The following ADAMTSL1 variants were observed in gnomAD, a reference collection of about 807,000 sequenced individuals.
ADAMTSL1 encodes ADAMTS like 1.
ADAMTSL1 carries 126 observed loss-of-function variants against 201.8 expected under a neutral mutation model. The ratio of observed to expected loss-of-function variants is 0.62; its 90% CI spans 0.54 to 0.72. The LOEUF is 0.72. ADAMTSL1 is among the 30% of genes least tolerant of loss of function. ADAMTSL1 has a pLI of 0.00. For synonymous variants in ADAMTSL1, 1,121 were observed against 903.4 expected, an observed-to-expected ratio of 1.24 and a Z score of -4.32; for missense variants, 2,679 against 2,277.8, an observed-to-expected ratio of 1.18 and a Z score of -3.59.
At chr9:18,044,566 C>T (rs577349598) in intron 1 of ADAMTSL1, among the ~76,000 whole-genome samples, 14 of 152,272 alleles carry the variant, frequency 9.2e-5, no homozygotes, top group African/African-American at 3.4e-4. Flanking sequence ...TATTTCTCCA[C>T]CACTTCCTTT....
chr9:18,591,868 T>C lies in ADAMTSL1; in HGVS notation c.474+17602T>C, dbSNP rs553329674. Among the ~76,000 whole-genome samples the C allele has an allele frequency of 2.0e-4, 31 of 152,310 alleles. No individual in the cohort carries two copies. The South Asian group carries it at 6.2e-3, about 31-fold the overall frequency. On this transcript the variant is annotated intron_variant, in intron 4 of 28. Transcript: ENST00000380548. The stretch of plus-strand genomic sequence containing the variant: ...CTGCTGGTTGTGGAGGCATTTTCCC[T>C]GCAAAAAGTTATCGAGATGCTTGAA...
At chr9:18,428,093 T>C (rs1235427392) in intron 2 of ADAMTSL1, among the ~76,000 whole-genome samples, 1 of 152,186 alleles carries the variant, frequency 6.6e-6, no homozygotes, top group Non-Finnish European at 1.5e-5. Context: ...TATCTTACAG[T>C]CATCCAAGCA....
At chr9:17,923,293 T>C (rs1170804136) in intron 1 of ADAMTSL1, among the ~76,000 whole-genome samples, 1 of 149,652 alleles carries the variant, frequency 6.7e-6, no homozygotes, top group Non-Finnish European at 1.5e-5. Flanking sequence ...TTCTTCCATT[T>C]GTTTGTATCC....
intron 2 of ADAMTSL1, among the ~76,000 whole-genome samples, chr9:18,195,049 C>T (rs1469791982): frequency 6.6e-6 from 1 of 152,088 alleles, no homozygotes; most frequent in East Asian, 1.9e-4. Flanking sequence ...AGATGAAAGG[C>T]TTAAATTAAA....
intron 1 of ADAMTSL1, among the ~76,000 whole-genome samples, chr9:18,088,616 A>G (rs1823869062): frequency 6.6e-6 from 1 of 152,358 alleles, no homozygotes; most frequent in African/African-American, 2.4e-5. Context: ...ATCAACAGGT[A>G]TATGAAAAGC....
intron 1 of ADAMTSL1, among the ~76,000 whole-genome samples, chr9:18,108,787 C>CT (rs1401251921): frequency 6.6e-6 from 1 of 150,594 alleles, no homozygotes; most frequent in African/African-American, 2.4e-5. Context: ...TTTTTTTCTC[C>CT]TTTTTCAATG....
chr9:18,292,646 C>T (rs1833319244), intron 2 of ADAMTSL1, among the ~76,000 whole-genome samples: 2 of 152,162 alleles, frequency 1.3e-5, no homozygotes, highest in South Asian at 4.1e-4. Context: ...TTCCAGCCTT[C>T]ATCTTTCCCC....
At chr9:18,145,699 T>C (rs147737863) in intron 1 of ADAMTSL1, among the ~76,000 whole-genome samples, 3 of 152,320 alleles carry the variant, frequency 2.0e-5, no homozygotes, top group African/African-American at 7.2e-5. Context: ...TGATGAGTTT[T>C]AGATGTTAAT....
chr9:18,043,372 GA>G (rs1821513778), intron 1 of ADAMTSL1, among the ~76,000 whole-genome samples: 1 of 152,066 alleles, frequency 6.6e-6, no homozygotes, highest in Non-Finnish European at 1.5e-5. Flanking sequence ...TTTTTGGGGG[GA>G]TGTGTATACA....
At chr9:18,208,479 C>G (rs1829744411) in intron 2 of ADAMTSL1, among the ~76,000 whole-genome samples, 1 of 152,148 alleles carries the variant, frequency 6.6e-6, no homozygotes, top group Non-Finnish European at 1.5e-5. Context: ...AAGCAGTCAT[C>G]TGGGTCCTCA....
At chr9:18,094,418 G>A (rs577021769) in intron 1 of ADAMTSL1, among the ~76,000 whole-genome samples, 49 of 152,226 alleles carry the variant, frequency 3.2e-4, no homozygotes, top group African/African-American at 1.0e-3. Flanking sequence ...ACAGTTGTCT[G>A]CCCTCTTTCT....
chr9:18,676,583 G>A (rs796896924), intron 10 of ADAMTSL1, among the ~76,000 whole-genome samples: 5 of 151,802 alleles, frequency 3.3e-5, no homozygotes, highest in African/African-American at 9.7e-5. Context: ...TAAGAAAACC[G>A]GAGAAGCTGA....
chr9:18,468,948 G>A (rs1001617844), intron 2 of ADAMTSL1, among the ~76,000 whole-genome samples: 3 of 152,210 alleles, frequency 2.0e-5, no homozygotes, highest in Non-Finnish European at 4.4e-5. Flanking sequence ...ACTTTGCAGG[G>A]AAAGAGAGGA....
At chr9:18,645,221 T>A (rs1827725142) in intron 7 of ADAMTSL1, among the ~76,000 whole-genome samples, 1 of 152,222 alleles carries the variant, frequency 6.6e-6, no homozygotes, top group Admixed American at 6.5e-5. Context: ...CTTCACCCAC[T>A]TTTTGATGGG....
intron 2 of ADAMTSL1, among the ~76,000 whole-genome samples, chr9:18,415,200 G>T (rs1818621201): frequency 6.6e-6 from 1 of 152,134 alleles, no homozygotes; most frequent in Non-Finnish European, 1.5e-5. Flanking sequence ...AAAGAAGTGG[G>T]AAAATATAAC....
chr9:18,065,985 C>CAAAAA lies in ADAMTSL1; in HGVS notation c.88-97852_88-97848dup, dbSNP rs34179730. On this transcript the variant is annotated intron_variant, in intron 1 of 29. Coordinates refer to the ADAMTSL1 transcript ENST00000680146. ...CTTGGGACAGAGCGAGACTCCATCTCAAAAAAAAAAAAAAAAAAAAAAAAA... is the reference window on the plus strand; with the variant it reads ...CTTGGGACAGAGCGAGACTCCATCTCAAAAAAAAAAAAAAAAAAAAAAAAAAAAAA... Among the ~76,000 whole-genome samples the CAAAAA allele has an allele frequency of 7.6e-4, 29 of 38,126 alleles. 1 individual carries two copies. The highest frequency in any genetic ancestry group is 3.2e-3 in the East Asian group (3 of 944). 25.0% of individuals were successfully genotyped at this position (38,126 alleles called of 152,430 possible). A position where few individuals can be genotyped will look rare whatever the true frequency, so the allele number is the denominator to read the frequency against.
chr9:18,783,066 T>G (rs530763565), intron 19 of ADAMTSL1, among the ~76,000 whole-genome samples: 1 of 152,222 alleles, frequency 6.6e-6, no homozygotes, highest in Non-Finnish European at 1.5e-5. Flanking sequence ...ACTTGTGGCA[T>G]GTGGATTGTA....
intron 3 of ADAMTSL1, among the ~76,000 whole-genome samples, chr9:18,547,726 A>C (rs981583012): frequency 6.6e-6 from 1 of 151,758 alleles, no homozygotes; most frequent in Non-Finnish European, 1.5e-5. Context: ...TTTGATAGAC[A>C]TAGATACCAT....
intron 21 of ADAMTSL1, among the ~76,000 whole-genome samples, chr9:18,825,128 C>T (rs1366884969): frequency 6.6e-6 from 1 of 152,092 alleles, no homozygotes; most frequent in Non-Finnish European, 1.5e-5. Context: ...TGAATCCGTG[C>T]CACATATCTT....
Sources: allele counts gnomAD v4.1 joint callset (sites outside exome capture counted in the v4.1 genomes callset), GRCh38; gene constraint gnomAD v4.1.1; transcripts MANE v1.5; gene names NCBI Gene and HGNC (gene_info 2026-07-23, HGNC 2026-07-21).